CMAS: variants seen among roughly 807,000 people sequenced by gnomAD.
The protein encoded by CMAS is cytidine monophosphate N-acetylneuraminic acid synthetase, also known as N-acylneuraminate cytidylyltransferase.
In CMAS, 21 loss-of-function variants were observed where a neutral mutation model predicts 53.4. The ratio of observed to expected loss-of-function variants is 0.39; its 90% confidence interval spans 0.28 to 0.57. CMAS has a LOEUF of 0.57. Ranked by LOEUF, CMAS falls within the 20% of genes least tolerant of loss-of-function variation. The probability of loss-of-function intolerance (pLI) is 0.56; values close to 1 mark genes in which losing one functional copy is unlikely to be tolerated. For missense variants in CMAS, 384 were observed against 534.9 expected, an observed-to-expected ratio of 0.72 and a Z score of 2.78; for synonymous variants, 189 against 195.2, an observed-to-expected ratio of 0.97 and a Z score of 0.27.
Position 22,046,382 on chromosome 12 carries a change from C to T in CMAS, c.79C>T (p.Leu27=). The T allele has an allele frequency of 1.3e-6, 2 of 1,575,212 alleles. No individual in the cohort carries two copies. Among genetic ancestry groups the T allele is most frequent in the South Asian group, 2.3e-5 (2 of 85,548 alleles). ...GRPSRGRPPK[L]QRNSRGGQGR... ...ACCGTCCCGGGGCCGGCCGCCGAAG[C>T]TGCAGCGCAACTCTCGCGGCGGCCA... Residue 27 remains leucine (L), a synonymous_variant, in exon 1 of 8, where the codon CTG becomes TTG. Coordinates refer to ENST00000229329, the MANE Select transcript of CMAS (RefSeq NM_018686.6).
chr12:22,057,226 TACACACACACACATACAC>T (rs1187887007), intron 3 of CMAS, among the ~76,000 whole-genome samples: 13 of 133,852 alleles, frequency 9.7e-5, no homozygotes, highest in South Asian at 7.1e-4. Flanking sequence ...AACCAGCTAT[TACACACACACACATACAC>T]ACACACACAC....
At chr12:22,059,467 T>C (rs769359804) in intron 4 of CMAS, among the ~76,000 whole-genome samples, 9 of 152,122 alleles carry the variant, frequency 5.9e-5, no homozygotes, top group Non-Finnish European at 1.3e-4. Context: ...CACTGAAATA[T>C]GAAGTAATTG....
At chr12:22,052,970 C>T (rs1308345842) in intron 1 of CMAS, among the ~76,000 whole-genome samples, 1 of 152,158 alleles carries the variant, frequency 6.6e-6, no homozygotes, top group Non-Finnish European at 1.5e-5. Context: ...TTTTCACTTT[C>T]TTTCCACTCA....
chr12:22,046,931 TTGG>T (rs1950210860), intron 1 of CMAS, among the ~76,000 whole-genome samples: 1 of 152,170 alleles, frequency 6.6e-6, no homozygotes, highest in African/African-American at 2.4e-5. Context: ...GTGAACTTCT[TTGG>T]ATGGGGGCCA....
intron 7 of CMAS, among the ~76,000 whole-genome samples, chr12:22,063,445 T>G (rs1356846519): frequency 1.3e-5 from 2 of 152,168 alleles, no homozygotes; most frequent in African/African-American, 4.8e-5. Context: ...TTTGGGATGT[T>G]AAGCAAGCTT....
At chr12:22,061,550 CTT>C (rs1405827476) in intron 6 of CMAS, 98 bp downstream of exon 6, 4 of 765,890 alleles carry the variant, frequency 5.2e-6, no homozygotes, top group Non-Finnish European at 7.6e-6. Context: ...AGTATTAACT[CTT>C]AAAATATCTG....
intron 1 of CMAS, among the ~76,000 whole-genome samples, chr12:22,053,022 G>T (rs1320575601): frequency 3.9e-5 from 6 of 152,202 alleles, no homozygotes; most frequent in African/African-American, 1.4e-4. Flanking sequence ...AGCCGAGCGT[G>T]GTGGCTTACA....
In CMAS at chr12:22,058,549, C is replaced by T. The variant is rs781776727; in HGVS notation, c.560-18C>T. On this transcript the variant is annotated intron_variant, in intron 3 of 7. Transcript: ENST00000229329. ...ATATTCAGGGCAACGTGGACTTACTCTAACTTTTTGCTTTTAGTTCGTGAA... is the reference window on the plus strand; with the variant it reads ...ATATTCAGGGCAACGTGGACTTACTTTAACTTTTTGCTTTTAGTTCGTGAA... The T allele has an allele frequency of 1.4e-5, 22 of 1,605,586 alleles. No homozygotes were observed. Among genetic ancestry groups the T allele is most frequent in the African/African-American group, 2.7e-5 (2 of 74,428 alleles).
chr12:22,064,467 C>T (rs1950331654), intron 7 of CMAS, among the ~76,000 whole-genome samples: 1 of 151,862 alleles, frequency 6.6e-6, no homozygotes, highest in African/African-American at 2.4e-5. Context: ...ATATGTTAAC[C>T]TTATTTCATT....
intron 4 of CMAS, 102 bp downstream of exon 4, chr12:22,058,802 T>G: frequency 7.4e-7 from 1 of 1,350,410 alleles, no homozygotes; most frequent in South Asian, 1.5e-5. Flanking sequence ...TAAAGAAAAG[T>G]ATCAACCTAT....
intron 4 of CMAS, among the ~76,000 whole-genome samples, chr12:22,060,333 TAAAAAA>T (rs58755366): frequency 0.018 from 971 of 54,132 alleles, 31 homozygotes; most frequent in African/African-American, 0.054. Context: ...GCTTTCTCCT[TAAAAAA>T]AAAAAAAAAA....
Position 22,055,217 on chromosome 12 carries a change from G to A in CMAS, c.329G>A (p.Arg110Gln), listed in dbSNP as rs753560501. 6 of 1,612,568 alleles carry A rather than the reference G, an allele frequency of 3.7e-6. No homozygotes were observed. Among genetic ancestry groups the A allele is most frequent in the African/African-American group, 1.3e-5 (1 of 74,846 alleles). Residue 110 changes from arginine to glutamine, a missense_variant, in exon 2 of 8, where the codon CGA (arginine) becomes CAA (glutamine). Transcript: ENST00000229329. ...VAKQFGAQVH[R>Q]RSSEVSKDSS... ...AAACAATTTGGTGCACAAGTTCATC[G>A]AAGAAGTTCTGAAGTTTCAAAAGAC...
At position 22,065,305 on chromosome 12, in the gene CMAS, A is replaced by G; in HGVS notation, c.1299A>G (p.Gln433=). ...LLMEKVNNSC[Q]K is the part of the protein sequence containing the mutation. ...TGGAAAAGGTTAATAATTCATGCCA[A>G]AAATAGAAATTAGCGTAATATTGAG... The change falls in exon 8 of 8, where the codon CAA becomes CAG. Residue 433 remains glutamine, a synonymous_variant. Transcript: ENST00000229329. 6.2e-7 allele frequency: 1 copy of G among 1,607,568 alleles called. No homozygotes were observed. Among genetic ancestry groups the G allele is most frequent in the Non-Finnish European group, 8.5e-7 (1 of 1,174,782 alleles).
Position 22,055,199 on chromosome 12 carries a change from T to A in CMAS, c.311T>A (p.Phe104Tyr), listed in dbSNP as rs150694299. 200 of 1,613,376 alleles carry A rather than the reference T, an allele frequency of 1.2e-4. 1 individual carries two copies. In the East Asian group the frequency reaches 4.0e-3, roughly 33 times the overall value. The part of the protein sequence containing the change: ...HDEIENVAKQ[F>Y]GAQVHRRSSE... ...GAAATTGAGAATGTGGCCAAACAAT[T>A]TGGTGCACAAGTTCATCGAAGAAGT... Residue 104 changes from phenylalanine to tyrosine, a missense_variant, in exon 2 of 8, where the codon TTT becomes TAT. Around this residue, in one of 3 missense-constraint regions of CMAS, gnomAD observed 139 missense variants for 248.0 expected, o/e 0.56. Coordinates refer to ENST00000229329, the MANE Select transcript of CMAS (RefSeq NM_018686.6).
At chr12:22,056,219 T>C (rs1347570037) in intron 3 of CMAS, among the ~76,000 whole-genome samples, 1 of 152,218 alleles carries the variant, frequency 6.6e-6, no homozygotes, top group Non-Finnish European at 1.5e-5. Flanking sequence ...AAAGGTCATT[T>C]CCTCTAATTT....
rs1470855491 is a variant in CMAS, at chr12:22,055,462, CA to C, written c.412del (p.Ile138LeufsTer2). ...TTCTCTTGTCTTTTTAAGAGGTTGACATTGTAGGAAATATTCAAGCTACTTC... is the reference window on the plus strand; with the variant it reads ...TTCTCTTGTCTTTTTAAGAGGTTGACTTGTAGGAAATATTCAAGCTACTTC... ...EFLNYHNEVD[I>X]VGNIQATSPC... On this transcript the variant is annotated frameshift_variant, in exon 3 of 8. Coordinates refer to ENST00000229329, the MANE Select transcript of CMAS (RefSeq NM_018686.6). LOFTEE classifies it high-confidence loss of function. The C allele has an allele frequency of 2.5e-6, 4 of 1,588,244 alleles. No homozygotes were observed. The Admixed American group carries it at 7.6e-5, about 30-fold the overall frequency.
At chr12:22,054,487 T>G (rs143185755) in intron 1 of CMAS, among the ~76,000 whole-genome samples, 316 of 152,332 alleles carry the variant, frequency 2.1e-3, no homozygotes, top group African/African-American at 7.2e-3. Context: ...ATTCTACATC[T>G]ATATACCCAT....
chr12:22,061,634 T>TAATC (rs1218790980), intron 6 of CMAS, among the ~76,000 whole-genome samples, 182 bp downstream of exon 6: 3 of 152,172 alleles, frequency 2.0e-5, no homozygotes, highest in Non-Finnish European at 2.9e-5. Context: ...AGGAATTTGT[T>TAATC]AATCAGCAAA....
intron 7 of CMAS, 66 bp downstream of exon 7, chr12:22,062,500 G>C: frequency 1.3e-6 from 2 of 1,513,742 alleles, no homozygotes; most frequent in Non-Finnish European, 1.8e-6. Context: ...TATTTTTAAA[G>C]AAATGACAAA....
Sources: allele counts gnomAD v4.1 joint callset (sites outside exome capture counted in the v4.1 genomes callset), GRCh38; gene constraint gnomAD v4.1.1; regional missense constraint gnomAD v4.1.1; transcripts MANE v1.5; gene names NCBI Gene and HGNC (gene_info 2026-07-23, HGNC 2026-07-21).